Variants in FAM161B observed in about 807,000 individuals in gnomAD.
FAM161B encodes FAM161 centrosomal protein B, also known as protein FAM161B.
A neutral mutation model predicts 61.5 loss-of-function variants in FAM161B; 46 were observed. That is an observed-to-expected ratio of 0.75 (90% CI 0.59 to 0.96). The LOEUF is 0.96. Ranked by LOEUF, FAM161B falls within the 40% of genes least tolerant of loss-of-function variation. The pLI, the probability that FAM161B is intolerant of heterozygous loss-of-function variation, is 0.00. For missense variants in FAM161B, 774 were observed against 800.7 expected (o/e 0.97, Z 0.40); for synonymous variants, 284 against 302.7 (o/e 0.94, Z 0.64).
chr14:73,925,941 G>A, the FAM161B span, among the ~76,000 whole-genome samples: 90 of 152,318 alleles, frequency 5.9e-4, no homozygotes, highest in African/African-American at 2.0e-3. Context: ...GGCTGAAGTA[G>A]GAGGATCACC....
At chr14:73,928,283 G>A (rs372725634), downstream of FAM161B, among the ~76,000 whole-genome samples, 156 of 152,290 alleles carry the variant, frequency 1.0e-3, 5 homozygotes, top group South Asian at 0.032. Context: ...CAGGCAGAAG[G>A]ACAGCAGTGT....
chr14:73,938,383 C>T (rs1196343815), intron 5 of FAM161B, among the ~76,000 whole-genome samples: 14 of 151,598 alleles, frequency 9.2e-5, no homozygotes, highest in African/African-American at 3.2e-4. Context: ...CGCTTGAACC[C>T]GGGAGGCAGA....
At chr14:73,946,204 C>T in intron 2 of FAM161B, 82 bp downstream of exon 2, 1 of 1,412,940 alleles carries the variant, frequency 7.1e-7, no homozygotes, top group South Asian at 1.4e-5. Flanking sequence ...CTTTGCTTTA[C>T]AGAGGAAGAT....
At chr14:73,931,665 G>T, downstream of FAM161B, 1 of 847,896 alleles carries the variant, frequency 1.2e-6, no homozygotes, top group Admixed American at 2.5e-5. Context: ...CTCTGCTTTT[G>T]CCACTCTTCC....
intron 4 of FAM161B, among the ~76,000 whole-genome samples, chr14:73,941,581 T>G (rs541330154): frequency 6.6e-6 from 1 of 151,932 alleles, no homozygotes; most frequent in East Asian, 1.9e-4. Flanking sequence ...ATGAGAAGAG[T>G]TCCTTGGAAT....
chr14:73,932,100 G>A (rs941420476), downstream of FAM161B: 1 of 450,376 alleles, frequency 2.2e-6, no homozygotes. Context: ...ATCTCCCCTT[G>A]GCCCAGGCTG....
intron 5 of FAM161B, among the ~76,000 whole-genome samples, chr14:73,939,636 C>T (rs991126631): frequency 7.9e-5 from 12 of 152,204 alleles, no homozygotes; most frequent in African/African-American, 2.7e-4. Flanking sequence ...TGTCTGGGTT[C>T]ATGGTCCTTT....
chr14:73,931,460 T>C (rs2055913778), downstream of FAM161B: 4 of 1,559,554 alleles, frequency 2.6e-6, no homozygotes, highest in Non-Finnish European at 3.5e-6. Flanking sequence ...TTTTCTATAA[T>C]TCAACTGTAA....
intron 4 of FAM161B, among the ~76,000 whole-genome samples, chr14:73,941,727 T>C (rs894860984): frequency 6.6e-6 from 1 of 152,124 alleles, no homozygotes; most frequent in Non-Finnish European, 1.5e-5. Flanking sequence ...GTTTTTGAGA[T>C]GAACTTTCAC....
chr14:73,942,134 G>C (rs1027470007), intron 4 of FAM161B, among the ~76,000 whole-genome samples: 3 of 152,084 alleles, frequency 2.0e-5, no homozygotes, highest in African/African-American at 7.2e-5. Flanking sequence ...GGAACTACAG[G>C]TACACACCAC....
At chr14:73,923,541 C>T in the FAM161B span, 1 of 1,604,612 alleles carries the variant, frequency 6.2e-7, no homozygotes, top group Non-Finnish European at 8.5e-7. Context: ...GTCTCTTGCC[C>T]TTTGTTTCTG....
rs561868003 is a variant in FAM161B, at chr14:73,934,352, C to T, written c.1848G>A (p.Gln616=). The T allele has an allele frequency of 2.5e-6, 4 of 1,613,998 alleles. No homozygotes were observed. The Admixed American group carries it at 5.0e-5, about 20-fold the overall frequency. ...GCTGTTCTAGAGATCCTTCTAAACCCTGCTCTGGATCTCTGATGCTGAGTT... is the reference window on the plus strand; with the variant it reads ...GCTGTTCTAGAGATCCTTCTAAACCTTGCTCTGGATCTCTGATGCTGAGTT... ...TTKLSIRDPE[Q]GLEGSLEQPA... is the part of the protein sequence containing the mutation. Residue 616 remains glutamine, a synonymous_variant, in exon 9 of 9, where the codon CAG becomes CAA. Transcript: ENST00000286544.
rs145379904 is a variant in FAM161B at position 73,946,404 on chromosome 14, G to C, written c.256C>G (p.Leu86Val). ...TCACTCTCTGGGTCAGACTGAAAGA[G>C]AGACTCCAACAGACACCATCTCCCT... ...QKGRWCLLESLFQSDPESDEN... is the reference protein window; with the variant it reads ...QKGRWCLLESVFQSDPESDEN... Residue 86 changes from leucine (L) to valine (V), a missense_variant, in exon 2 of 9, where the codon CTC becomes GTC. Physicochemically the swap from Leu to Val is conservative, Grantham distance 32. Coordinates refer to ENST00000286544, the MANE Select transcript of FAM161B (RefSeq NM_152445.3). 35 of 1,614,182 alleles carry C rather than the reference G, an allele frequency of 2.2e-5. No individual in the cohort carries two copies. The highest frequency in any genetic ancestry group is 5.0e-5 in the Admixed American group (3 of 60,024).
At chr14:73,943,843 G>A (rs772296709) in intron 3 of FAM161B, among the ~76,000 whole-genome samples, 4 of 152,210 alleles carry the variant, frequency 2.6e-5, no homozygotes, top group Non-Finnish European at 5.9e-5. Context: ...CTGGAGCATG[G>A]CACATGCTAC....
Position 73,941,791 on chromosome 14 carries a change from C to T in FAM161B, c.1272+578G>A, listed in dbSNP as rs190681818. Among the ~76,000 whole-genome samples the T allele has an allele frequency of 7.4e-4, 112 of 152,130 alleles. 2 individuals are homozygous for T. The East Asian group carries it at 0.02, about 27-fold the overall frequency. On this transcript the variant is annotated intron_variant, in intron 4 of 8. Transcript: ENST00000286544. ...CACAATCTCAGCTCACTGCAATCTC[C>T]GCCTCCCAGGTTCAAGCAATTCTCC...
downstream of FAM161B, chr14:73,931,601 A>G (rs945773488): frequency 2.6e-6 from 4 of 1,512,866 alleles, no homozygotes; most frequent in Non-Finnish European, 2.7e-6. Flanking sequence ...GTATACTGGG[A>G]ACAGGATGCC....
At chr14:73,940,825 G>C (rs2056011421) in intron 5 of FAM161B, 101 bp downstream of exon 5, 1 of 1,476,802 alleles carries the variant, frequency 6.8e-7, no homozygotes, top group Non-Finnish European at 9.0e-7. Context: ...TTGACCCCTT[G>C]AGGTATCTCT....
chr14:73,949,975 G>C lies in FAM161B; in HGVS notation c.52C>G (p.Gln18Glu). 6.2e-7 allele frequency: 1 copy of C among 1,613,574 alleles called. No individual in the cohort carries two copies. The highest frequency in any genetic ancestry group is 8.5e-7 in the Non-Finnish European group (1 of 1,180,010). Residue 18 changes from glutamine to glutamate, a missense_variant and splice_region_variant, in exon 1 of 9, where the codon CAG (glutamine) becomes GAG (glutamate). Transcript: ENST00000286544. ...GGCAGTCTCTTTTCTCTCCTCACCT[G>C]ACGGCTCCCCTCCGCGCCTCCGGGG... The part of the protein sequence containing the change: ...GAPGGAEGSR[Q>E]IFPPESFADT...
chr14:73,923,200 C>T, the FAM161B span, among the ~76,000 whole-genome samples: 6 of 152,116 alleles, frequency 3.9e-5, no homozygotes, highest in African/African-American at 1.4e-4. Context: ...AGATTTCTTG[C>T]CTTTCTATTC....
Sources: allele counts gnomAD v4.1 joint callset (sites outside exome capture counted in the v4.1 genomes callset), GRCh38; gene constraint gnomAD v4.1.1; transcripts MANE v1.5; gene names NCBI Gene and HGNC (gene_info 2026-07-23, HGNC 2026-07-21).